The following LRCH3 variants were observed in gnomAD, a reference collection of about 807,000 sequenced individuals.
LRCH3 encodes the protein DISP complex protein LRCH3.
Under a neutral mutation model 104.5 loss-of-function variants are expected in LRCH3, and 68 were observed. The ratio of observed to expected loss-of-function variants is 0.65; its 90% CI spans 0.54 to 0.80. The LOEUF is 0.80. Among genes scored for constraint, LRCH3 ranks in the 30% least tolerant of loss-of-function variants. The pLI is 0.00. For missense variants in LRCH3, 951 were observed against 953.9 expected, an observed-to-expected ratio of 1.00 and a Z score of 0.04; for synonymous variants, 344 against 361.3, an observed-to-expected ratio of 0.95 and a Z score of 0.54.
chr3:197,817,088 T>G (rs1044847155), intron 2 of LRCH3, 88 bp from the exon 3 acceptor site: 2 of 1,175,978 alleles, frequency 1.7e-6, no homozygotes, highest in African/African-American at 3.2e-5. Context: ...TCATATTTGT[T>G]ATTTTACTGA....
intron 9 of LRCH3, among the ~76,000 whole-genome samples, chr3:197,838,092 G>A (rs528470): frequency 0.86 from 130,167 of 151,802 alleles, 56,347 homozygotes; most frequent in East Asian, 1. Flanking sequence ...TAAGCCACTG[G>A]TACAGCGTCC....
rs113577517 is a variant in LRCH3 at position 197,810,359 on chromosome 3, G to A, written c.263-4549G>A. On this transcript the variant is annotated intron_variant, in intron 1 of 20. Coordinates refer to ENST00000425562, the MANE Select transcript of LRCH3 (RefSeq NM_001365715.1). The surrounding 1 kb of genome is among the most constrained non-coding windows in gnomAD (Gnocchi z 4.0). ...TTAGAAATGGGGTTTCACCATGTTG[G>A]CCAGGCTGGTCTCGAACTGCTGACC... Among the ~76,000 whole-genome samples the A allele has an allele frequency of 5.0e-3, 765 of 152,158 alleles. 10 individuals carry two copies. The highest frequency in any genetic ancestry group is 0.018 in the African/African-American group (737 of 41,518).
rs56254857 is a variant in LRCH3, at chr3:197,872,360, GAAAAAAAA to G, written c.2130+911_2130+918del. 5.0e-3 allele frequency among the ~76,000 whole-genome samples: 529 copies of G among 105,396 alleles called. 5 individuals are homozygous for G. Among genetic ancestry groups the G allele is most frequent in the Non-Finnish European group, 7.4e-3 (389 of 52,818 alleles). The allele number at this position is 105,396 out of a possible 152,430, so 69.1% of individuals were successfully genotyped here. On this transcript the variant is annotated intron_variant, in intron 19 of 20. Transcript: ENST00000425562. ...TGAGAGAGCAAGACCCTGTCTCAAA[GAAAAAAAA>G]AAAAAAAAAAAAGGAATGATGAATC...
intron 17 of LRCH3, among the ~76,000 whole-genome samples, chr3:197,868,474 G>A (rs1225460233): frequency 1.3e-5 from 2 of 152,134 alleles, no homozygotes; most frequent in African/African-American, 2.4e-5. Flanking sequence ...GGATACTGAC[G>A]GATGACTGTG....
intron 4 of LRCH3, among the ~76,000 whole-genome samples, chr3:197,826,629 T>C (rs967579842): frequency 6.6e-6 from 1 of 152,214 alleles, no homozygotes; most frequent in African/African-American, 2.4e-5. Context: ...CTCCAGCTTC[T>C]GAGACTTTCT....
At chr3:197,858,985 C>T (rs1580838678) in intron 15 of LRCH3, 80 bp downstream of exon 15, 1 of 985,802 alleles carries the variant, frequency 1.0e-6, no homozygotes, top group East Asian at 2.4e-5. Context: ...GTGAATTGAT[C>T]TAACAATCTG....
At chr3:197,844,958 T>C (rs922892836) in intron 10 of LRCH3, among the ~76,000 whole-genome samples, 2 of 151,930 alleles carry the variant, frequency 1.3e-5, no homozygotes, top group African/African-American at 4.8e-5. Context: ...GACTAAGAAA[T>C]AGCTATTGGA....
chr3:197,887,649 CCCT>C lies in LRCH3; in HGVS notation c.*3984_*3986del, dbSNP rs1714329018. On this transcript the variant is annotated 3_prime_UTR_variant, in exon 21 of 21. Transcript: ENST00000425562. ...GACAGTGTCTGGGGCTGAGAGCCCC[CCCT>C]AGCAGAGCCCTTCCCATCACTGACA... is the stretch of plus-strand genomic sequence containing the variant. 1 of 151,722 alleles carries C rather than the reference CCCT, an allele frequency of 6.6e-6. No homozygotes were observed. Among genetic ancestry groups the C allele is most frequent in the African/African-American group, 2.5e-5 (1 of 40,088 alleles). The allele number at this position is 151,722 out of a possible 1,614,324, so 9.4% of individuals were successfully genotyped here.
At chr3:197,844,550 C>CT (rs1738315089) in intron 10 of LRCH3, among the ~76,000 whole-genome samples, 2 of 152,132 alleles carry the variant, frequency 1.3e-5, no homozygotes, top group South Asian at 4.1e-4. Flanking sequence ...GCCACTGTGC[C>CT]TAGCCTTGAA....
chr3:197,798,502 G>T (rs1731522481), intron 1 of LRCH3, among the ~76,000 whole-genome samples: 1 of 152,216 alleles, frequency 6.6e-6, no homozygotes, highest in Non-Finnish European at 1.5e-5. Flanking sequence ...CACAGAAAAA[G>T]GAAACATTGA....
chr3:197,876,817 CTT>C, intron 20 of LRCH3, among the ~76,000 whole-genome samples: 1 of 138,902 alleles, frequency 7.2e-6, no homozygotes. Flanking sequence ...CAGTGATTCT[CTT>C]TACCCAACTC....
At chr3:197,881,592 C>T in intron 20 of LRCH3, 1 of 985,474 alleles carries the variant, frequency 1.0e-6, no homozygotes. Flanking sequence ...GCAGCAGTCC[C>T]TGTTCTGTGC....
intron 1 of LRCH3, among the ~76,000 whole-genome samples, chr3:197,814,169 A>G (rs555031327): frequency 3.9e-5 from 6 of 152,352 alleles, no homozygotes; most frequent in Admixed American, 1.3e-4. Context: ...AAAGTTCCAC[A>G]TGGCTGGGAA....
intron 4 of LRCH3, among the ~76,000 whole-genome samples, chr3:197,822,181 A>C (rs953896795): frequency 5.3e-5 from 8 of 152,134 alleles, no homozygotes; most frequent in African/African-American, 1.9e-4. Flanking sequence ...CTTTCCTCTC[A>C]CTTGGCTTGT....
chr3:197,833,391 A>T (rs998011246), intron 8 of LRCH3, among the ~76,000 whole-genome samples: 1 of 149,132 alleles, frequency 6.7e-6, no homozygotes, highest in African/African-American at 2.5e-5. Context: ...AAAAAAAAAA[A>T]GCAGGGCATA....
intron 5 of LRCH3, among the ~76,000 whole-genome samples, chr3:197,828,897 C>T (rs918708562): frequency 2.0e-5 from 3 of 151,870 alleles, no homozygotes; most frequent in South Asian, 2.1e-4. Context: ...GTAGTACAGA[C>T]GGGATTTCAC....
intron 12 of LRCH3, chr3:197,850,836 T>C (rs573678009): frequency 3.0e-5 from 32 of 1,057,256 alleles, no homozygotes; most frequent in East Asian, 4.7e-5. Context: ...TTTTCGTATA[T>C]GCATACCCTT....
intron 4 of LRCH3, chr3:197,823,355 C>T (rs565911460): frequency 6.6e-6 from 1 of 152,326 alleles, no homozygotes; most frequent in East Asian, 1.9e-4. Flanking sequence ...CTGCCTCAGC[C>T]TCCCAAAATG....
At chr3:197,848,953 T>C (rs574503181) in intron 12 of LRCH3, among the ~76,000 whole-genome samples, 5 of 152,330 alleles carry the variant, frequency 3.3e-5, no homozygotes, top group African/African-American at 1.2e-4. Context: ...CCCTTGTCTC[T>C]TGTTTTCTAT....
Sources: allele counts gnomAD v4.1 joint callset (sites outside exome capture counted in the v4.1 genomes callset), GRCh38; gene constraint gnomAD v4.1.1; non-coding constraint Gnocchi (gnomAD v3.1); transcripts MANE v1.5; gene names NCBI Gene and HGNC (gene_info 2026-07-23, HGNC 2026-07-21).